Variants in SBF1 observed in about 807,000 individuals in gnomAD.
SBF1 encodes the protein myotubularin-related protein 5.
In SBF1, 65 loss-of-function variants were observed where a neutral mutation model predicts 215.8. The observed-to-expected ratio is 0.30, with a 90% confidence interval of 0.25 to 0.37. The LOEUF (loss-of-function observed/expected upper bound fraction) is 0.37. SBF1 is among the 10% of genes least tolerant of loss of function. The pLI is 1.00. For synonymous variants in SBF1, 1,410 were observed against 1,122.8 expected (o/e 1.26, Z -5.11); for missense variants, 2,634 against 2,667.8 (o/e 0.99, Z 0.28).
chr22:50,461,608 C>G lies in SBF1; in HGVS notation c.2754G>C (p.Gly918=), dbSNP rs1486492044. 2 of 1,611,882 alleles carry G rather than the reference C, an allele frequency of 1.2e-6. No homozygotes were observed. Among genetic ancestry groups the G allele is most frequent in the South Asian group, 1.1e-5 (1 of 91,048 alleles). ...CCTCAGCTGGGAGCAATGCTGGTCC[C>G]CCAGCACTGCCCCCCGCGCCCTCCT... ...GREEGAGGSA[G]GPALLPAEGA... Residue 918 remains glycine, a synonymous_variant, in exon 22 of 41, where the codon GGG becomes GGC. Transcript: ENST00000380817.
intron 38 of SBF1, among the ~76,000 whole-genome samples, chr22:50,447,959 T>C (rs537621942): frequency 3.3e-5 from 5 of 152,248 alleles, no homozygotes; most frequent in Admixed American, 3.3e-4. Context: ...GGTAGATCTG[T>C]AGAAGCAGCC....
chr22:50,459,897 G>A (rs2067428441), intron 26 of SBF1, 55 bp downstream of exon 26: 24 of 1,583,106 alleles, frequency 1.5e-5, no homozygotes, highest in Non-Finnish European at 1.9e-5. Context: ...ACAGCGGGCA[G>A]GGAAGACACC....
chr22:50,462,148 G>C (rs1419417459), intron 19 of SBF1, 29 bp from the exon 20 acceptor site: 5 of 1,609,876 alleles, frequency 3.1e-6, no homozygotes, highest in Admixed American at 1.7e-5. Flanking sequence ...TGTGGGCATG[G>C]GCCCTGCCCA....
At chr22:50,456,427 A>C in intron 30 of SBF1, 32 bp from the exon 31 acceptor site, 1 of 1,605,676 alleles carries the variant, frequency 6.2e-7, no homozygotes, top group Non-Finnish European at 8.5e-7. Context: ...CCCGTGAGAC[A>C]CATGAGGCCC....
chr22:50,473,013 C>T (rs146716831), intron 1 of SBF1, among the ~76,000 whole-genome samples: 234 of 152,314 alleles, frequency 1.5e-3, no homozygotes, highest in African/African-American at 5.2e-3. Context: ...CCCTGTCCTG[C>T]GCAAAGGACA....
At chr22:50,470,736 C>T (rs1044739232) in intron 1 of SBF1, among the ~76,000 whole-genome samples, 2 of 152,222 alleles carry the variant, frequency 1.3e-5, no homozygotes, top group Admixed American at 6.5e-5. Flanking sequence ...CACGTACAGT[C>T]GGCTACACAA....
chr22:50,459,241 A>T lies in SBF1; in HGVS notation c.3826+14T>A, dbSNP rs1029066803. 2 of 1,589,344 alleles carry T rather than the reference A, an allele frequency of 1.3e-6. No individual in the cohort carries two copies. Among genetic ancestry groups the T allele is most frequent in the Non-Finnish European group, 1.7e-6 (2 of 1,161,754 alleles). ...AGTGCCCCTGCCCCACCGTCTGCCC[A>T]CAAGCACCCTCACCGTGACTGCCCA... On this transcript the variant is annotated intron_variant, in intron 28 of 40. Coordinates refer to ENST00000380817, the MANE Select transcript of SBF1 (RefSeq NM_002972.4).
intron 1 of SBF1, among the ~76,000 whole-genome samples, chr22:50,472,503 G>A (rs571960257): frequency 2.0e-5 from 3 of 152,272 alleles, no homozygotes; most frequent in Admixed American, 1.3e-4. Flanking sequence ...TCACACACCT[G>A]CTGCTCAGTC....
At chr22:50,456,469 C>A in intron 30 of SBF1, 23 bp downstream of exon 30, 1 of 1,511,774 alleles carries the variant, frequency 6.6e-7, no homozygotes, top group Non-Finnish European at 8.9e-7. Flanking sequence ...ACCCTCACCC[C>A]CCACCCCCCG....
intron 1 of SBF1, among the ~76,000 whole-genome samples, chr22:50,472,467 G>A (rs538701924): frequency 9.2e-5 from 14 of 152,306 alleles, no homozygotes; most frequent in East Asian, 3.9e-4. Context: ...ACTCAGAAGT[G>A]CCTGTTGTGT....
chr22:50,469,052 G>T (rs1034092453), intron 1 of SBF1, among the ~76,000 whole-genome samples: 4 of 152,198 alleles, frequency 2.6e-5, no homozygotes, highest in Non-Finnish European at 5.9e-5. Context: ...GATGGGGTTT[G>T]GCAGCTCCCT....
chr22:50,462,666 C>G lies in SBF1; in HGVS notation c.2020G>C (p.Val674Leu). 1 of 1,612,546 alleles carries G rather than the reference C, an allele frequency of 6.2e-7. No individual in the cohort carries two copies. Among genetic ancestry groups the G allele is most frequent in the Non-Finnish European group, 8.5e-7 (1 of 1,179,666 alleles). Residue 674 changes from valine to leucine, a missense_variant, in exon 18 of 41, where the codon GTG becomes CTG. By Grantham distance (32) the Val-to-Leu change is conservative. Transcript: ENST00000380817. ...CAGAACTGTGGCGTGCTCCACACCA[C>G]GTGCTCCTGCACACAGCTGTATGCA... is the stretch of plus-strand genomic sequence containing the variant. ...QFAYSCVQEH[V>L]VWSTPQFWEA...
At chr22:50,472,327 C>G (rs1569514924) in intron 1 of SBF1, among the ~76,000 whole-genome samples, 1 of 152,194 alleles carries the variant, frequency 6.6e-6, no homozygotes, top group Admixed American at 6.5e-5. Flanking sequence ...GTGCTGCACC[C>G]AGCAGCTCCA....
chr22:50,462,516 A>G, intron 18 of SBF1, 43 bp from the exon 19 acceptor site: 1 of 1,585,558 alleles, frequency 6.3e-7, no homozygotes, highest in Non-Finnish European at 8.6e-7. Context: ...ACGCTGCCCC[A>G]GCCCCTAGCC....
At chr22:50,465,907 G>A in intron 9 of SBF1, 54 bp downstream of exon 9, 2 of 1,610,336 alleles carry the variant, frequency 1.2e-6, no homozygotes, top group Admixed American at 1.7e-5. Flanking sequence ...GTGCTGCCAG[G>A]TAGCCACATC....
intron 22 of SBF1, 112 bp from the exon 23 acceptor site, chr22:50,461,398 C>T: frequency 6.7e-7 from 1 of 1,501,954 alleles, no homozygotes. Context: ...AAGGAGCAGA[C>T]AAAGGCCCGT....
rs1036929462 is a variant in SBF1 at position 50,456,692 on chromosome 22, G to A, written c.3905-19C>T. ...CACTTACCTGTGAAGGAGATGCCAG[G>A]TAAGCACCCAAAGGGGGCCAGGGCA... On this transcript the variant is annotated intron_variant, in intron 29 of 40. Coordinates refer to ENST00000380817, the MANE Select transcript of SBF1 (RefSeq NM_002972.4). 1.3e-5 allele frequency: 19 copies of A among 1,457,840 alleles called. No homozygotes were observed. In the African/African-American group the frequency reaches 2.3e-4, roughly 18 times the overall value. The allele number at this position is 1,457,840 out of a possible 1,614,324, so 90.3% of individuals were successfully genotyped here. A position where few individuals can be genotyped will look rare whatever the true frequency, so the allele number is the denominator to read the frequency against.
Position 50,454,632 on chromosome 22 carries a change from AG to A in SBF1, c.4922del (p.Pro1641LeufsTer64). On this transcript the variant is annotated frameshift_variant, in exon 36 of 41. Coordinates refer to ENST00000380817, the MANE Select transcript of SBF1 (RefSeq NM_002972.4). LOFTEE classifies it high-confidence loss of function. ...CAGACCGTTCTTCCTCTGGGGGTTCAGGGGGCCCCTGGGCCAGTTCCCAGTC... is the reference window on the plus strand; with the variant it reads ...CAGACCGTTCTTCCTCTGGGGGTTCAGGGGCCCCTGGGCCAGTTCCCAGTC... ...PYDWELAQGPPEPPEEERSDG... is the reference protein window; with the variant it reads ...PYDWELAQGPXEPPEEERSDG... 6.2e-7 allele frequency: 1 copy of A among 1,601,482 alleles called. No individual in the cohort carries two copies. Among genetic ancestry groups the A allele is most frequent in the Non-Finnish European group, 8.5e-7 (1 of 1,173,592 alleles).
rs371120349 is a variant in SBF1 at position 50,459,301 on chromosome 22, T to A, written c.3780A>T (p.Gly1260=). 2 of 1,611,938 alleles carry A rather than the reference T, an allele frequency of 1.2e-6. No homozygotes were observed. Among genetic ancestry groups the A allele is most frequent in the Non-Finnish European group, 1.7e-6 (2 of 1,178,928 alleles). Residue 1260 remains glycine (G), a synonymous_variant, in exon 28 of 41, where the codon GGA becomes GGT. Coordinates refer to ENST00000380817, the MANE Select transcript of SBF1 (RefSeq NM_002972.4). ...AGGAGAAGCCGCTAAGCGTGTTGCG[T>A]CCCGACGCGTCGGCGTAGCGGGGCA... is the stretch of plus-strand genomic sequence containing the variant. ...SSMPRYADAS[G]RNTLSGFSSA...
Sources: allele counts gnomAD v4.1 joint callset (sites outside exome capture counted in the v4.1 genomes callset), GRCh38; gene constraint gnomAD v4.1.1; transcripts MANE v1.5; gene names NCBI Gene and HGNC (gene_info 2026-07-23, HGNC 2026-07-21).